ICE2: variants seen among roughly 807,000 people sequenced by gnomAD.
ICE2 encodes little elongation complex subunit 2.
In ICE2, 87 loss-of-function variants were observed where a neutral mutation model predicts 105.4. The ratio of observed to expected loss-of-function variants is 0.83; its 90% CI spans 0.69 to 0.99. The LOEUF (loss-of-function observed/expected upper bound fraction) is 0.99. Among genes scored for constraint, ICE2 ranks in the 50% least tolerant of loss-of-function variants. The pLI is 0.00. For synonymous variants in ICE2, 399 were observed against 392.0 expected (o/e 1.02, Z -0.21); for missense variants, 1,323 against 1,146.7 (o/e 1.15, Z -2.22).
rs41372146 is a variant in ICE2 at position 60,455,347 on chromosome 15, T to A, written c.762A>T (p.Gln254His). ...TTACATAATGCATAGCTTCAGCTGT[T>A]TGTTCTGACGTTTCAATGGTAGCTA... The part of the protein sequence containing the change: ...DDIATIETSE[Q>H]TAEAMHYDIS... Residue 254 changes from glutamine to histidine, a missense_variant, in exon 7 of 16, where the codon CAA becomes CAT. Gln to His is a conservative substitution (Grantham distance 24). Coordinates refer to ENST00000261520, the MANE Select transcript of ICE2 (RefSeq NM_024611.6). 1,715 of 1,613,302 alleles carry A rather than the reference T, an allele frequency of 1.1e-3. 22 individuals are homozygous for A. In the African/African-American group the frequency reaches 0.02, roughly 19 times the overall value.
chr15:60,462,454 T>A (rs145255794), intron 5 of ICE2, among the ~76,000 whole-genome samples: 125 of 152,318 alleles, frequency 8.2e-4, no homozygotes, highest in Non-Finnish European at 1.5e-3. Context: ...GTAATGCATA[T>A]GTTAATTAGT....
chr15:60,451,705 G>T, intron 9 of ICE2: 2 of 726,416 alleles, frequency 2.8e-6, no homozygotes, highest in Non-Finnish European at 3.4e-6. Context: ...ATTTACTTCT[G>T]GTTCACCCTG....
chr15:60,463,836 A>G (rs1645949437), intron 5 of ICE2, among the ~76,000 whole-genome samples: 1 of 152,168 alleles, frequency 6.6e-6, no homozygotes, highest in Non-Finnish European at 1.5e-5. Flanking sequence ...CACCCTCCAT[A>G]CACACACAAA....
intron 5 of ICE2, among the ~76,000 whole-genome samples, chr15:60,457,277 C>T (rs1179175971): frequency 6.6e-6 from 1 of 152,080 alleles, no homozygotes; most frequent in Non-Finnish European, 1.5e-5. Flanking sequence ...TTTCTTTCCT[C>T]CAAACTGTTT....
At chr15:60,423,901 T>G in intron 15 of ICE2, 139 bp from the exon 16 acceptor site, 2 of 716,860 alleles carry the variant, frequency 2.8e-6, no homozygotes, top group Non-Finnish European at 2.0e-6. Flanking sequence ...GCTAGCTGGC[T>G]GTTTCTAAAC....
intron 11 of ICE2, among the ~76,000 whole-genome samples, chr15:60,444,718 CTT>C (rs1378072931): frequency 3.9e-5 from 6 of 151,970 alleles, no homozygotes; most frequent in African/African-American, 4.8e-5. Flanking sequence ...GAATTTCACT[CTT>C]GTTGTCTAGG....
chr15:60,447,265 C>T (rs1345254719), intron 11 of ICE2, among the ~76,000 whole-genome samples: 1 of 151,994 alleles, frequency 6.6e-6, no homozygotes, highest in Admixed American at 6.6e-5. Context: ...AACAAGAGCC[C>T]CAAAGTGAAA....
rs941738749 is a variant in ICE2 at position 60,419,660 on chromosome 15, A to G, written c.*3974T>C. The G allele has an allele frequency of 2.0e-5, 3 of 152,250 alleles. No homozygotes were observed. Among genetic ancestry groups the G allele is most frequent in the African/African-American group, 4.8e-5 (2 of 41,462 alleles). 9.4% of individuals were successfully genotyped at this position (152,250 alleles called of 1,614,324 possible). ...TTTCTACATCTCAACAAGAAACTCAATAAATCTTAATATCAAATACGTTAA... is the reference window on the plus strand; with the variant it reads ...TTTCTACATCTCAACAAGAAACTCAGTAAATCTTAATATCAAATACGTTAA... On this transcript the variant is annotated 3_prime_UTR_variant, in exon 16 of 16. Transcript: ENST00000261520.
intron 9 of ICE2, 79 bp downstream of exon 9, chr15:60,453,524 G>A: frequency 2.6e-6 from 4 of 1,559,454 alleles, no homozygotes; most frequent in Non-Finnish European, 3.5e-6. Flanking sequence ...ACTAGGTTTA[G>A]GGATTTGCAA....
chr15:60,438,589 C>G (rs1041879890), intron 12 of ICE2: 1 of 152,136 alleles, frequency 6.6e-6, no homozygotes, highest in African/African-American at 2.4e-5. Context: ...CTAATTATGT[C>G]TTTGAGAAGA....
At chr15:60,429,594 G>A (rs546860157) in intron 14 of ICE2, among the ~76,000 whole-genome samples, 2 of 152,306 alleles carry the variant, frequency 1.3e-5, no homozygotes, top group South Asian at 4.1e-4. Context: ...GATCAAAGAT[G>A]TTAAGGAGAA....
At chr15:60,426,573 T>TA (rs1486212178) in intron 15 of ICE2, among the ~76,000 whole-genome samples, 5 of 152,238 alleles carry the variant, frequency 3.3e-5, no homozygotes, top group African/African-American at 4.8e-5. Flanking sequence ...AGACATTATT[T>TA]AAAAAAAATC....
intron 7 of ICE2, 46 bp from the exon 8 acceptor site, chr15:60,455,208 A>C: frequency 3.2e-6 from 5 of 1,541,384 alleles, no homozygotes; most frequent in Non-Finnish European, 4.4e-6. Context: ...CTTATTGAAA[A>C]TTTCTTCAAT....
chr15:60,442,466 C>CAAA lies in ICE2; in HGVS notation c.2372_2374dup (p.Leu791_Cys792insPhe). On this transcript the variant is annotated inframe_insertion, in exon 12 of 16. Coordinates refer to ENST00000261520, the MANE Select transcript of ICE2 (RefSeq NM_024611.6). ...CAATAAACTTTCAGTCCATAAGCGA[C>CAAA]AAAGTTCACTTTCAGTCAGAGCTTC... The CAAA allele has an allele frequency of 6.2e-7, 1 of 1,601,166 alleles. No homozygotes were observed. The highest frequency in any genetic ancestry group is 8.5e-7 in the Non-Finnish European group (1 of 1,177,574).
Position 60,449,803 on chromosome 15 carries a change from ACT to A in ICE2, c.1162_1163del (p.Leu389Ter), listed in dbSNP as rs1566987742. On this transcript the variant is annotated frameshift_variant, in exon 10 of 16. Transcript: ENST00000261520. LOFTEE classifies it high-confidence loss of function. The stretch of plus-strand genomic sequence containing the variant: ...CAAAATCCAAATACAAGTTTTCAAG[ACT>A]CTCAATTTTTCGGCACTCGTTGACT... Reference protein sequence around the residue: ...CEVNECRKIESLENLYLDFDD... With the variant: ...CEVNECRKIEXLENLYLDFDD... 4 of 1,613,474 alleles carry A rather than the reference ACT, an allele frequency of 2.5e-6. No homozygotes were observed. The highest frequency in any genetic ancestry group is 2.5e-6 in the Non-Finnish European group (3 of 1,179,812).
chr15:60,456,813 G>A lies in ICE2; in HGVS notation c.529-19C>T. On this transcript the variant is annotated intron_variant, in intron 5 of 15. Transcript: ENST00000261520. ...AAATTTTCTGAGAAACAGAAATTAA[G>A]AAAAATTCATTTGTATTTCTCTAAT... 7.0e-7 allele frequency: 1 copy of A among 1,422,180 alleles called. No individual in the cohort carries two copies. Among genetic ancestry groups the A allele is most frequent in the Non-Finnish European group, 9.4e-7 (1 of 1,066,042 alleles). 88.1% of individuals were successfully genotyped at this position (1,422,180 alleles called of 1,614,324 possible). A position where few individuals can be genotyped will look rare whatever the true frequency, so the allele number is the denominator to read the frequency against.
intron 3 of ICE2, among the ~76,000 whole-genome samples, chr15:60,469,172 T>A (rs1356570883): frequency 2.0e-5 from 3 of 152,166 alleles, no homozygotes; most frequent in Non-Finnish European, 4.4e-5. Flanking sequence ...CTGGAGGCCA[T>A]TATCCTCAGC....
intron 9 of ICE2, chr15:60,451,024 T>G (rs2063952892): frequency 3.4e-6 from 1 of 292,558 alleles, no homozygotes. Flanking sequence ...AAAGCAGAAT[T>G]CAAAGCAAGA....
intron 2 of ICE2, among the ~76,000 whole-genome samples, chr15:60,477,656 T>G (rs894603807): frequency 6.6e-6 from 1 of 152,222 alleles, no homozygotes; most frequent in African/African-American, 2.4e-5. Flanking sequence ...AAAATTCCAG[T>G]ATCTCTCCTT....
Sources: allele counts gnomAD v4.1 joint callset (sites outside exome capture counted in the v4.1 genomes callset), GRCh38; gene constraint gnomAD v4.1.1; transcripts MANE v1.5; gene names NCBI Gene and HGNC (gene_info 2026-07-23, HGNC 2026-07-21).